Variants in ZNF592 observed in about 807,000 individuals in gnomAD.
ZNF592 encodes the protein spinocerebellar ataxia, autosomal recessive 5.
Under a neutral mutation model 80.3 loss-of-function variants are expected in ZNF592, and 11 were observed. The ratio of observed to expected loss-of-function variants is 0.14; its 90% CI spans 0.09 to 0.23. The LOEUF is 0.23. Ranked by LOEUF, ZNF592 falls within the 10% of genes least tolerant of loss-of-function variation. The pLI is 1.00. For synonymous variants in ZNF592, 646 were observed against 640.3 expected (o/e 1.01, Z -0.13); for missense variants, 1,420 against 1,633.9 (o/e 0.87, Z 2.26).
chr15:84,783,403 A>C lies in ZNF592; in HGVS notation c.728A>C (p.Glu243Ala), dbSNP rs201194824. 1.2e-6 allele frequency: 2 copies of C among 1,614,202 alleles called. No individual in the cohort carries two copies. Among genetic ancestry groups the C allele is most frequent in the Non-Finnish European group, 1.7e-6 (2 of 1,180,048 alleles). ...ACTCGATTCTTCGGGGAAGCTTTGG[A>C]GTTCAACAGCCATCCTAGCAACAGT... is the stretch of plus-strand genomic sequence containing the variant. ...DATRFFGEAL[E>A]FNSHPSNSIG... Residue 243 changes from glutamate to alanine, a missense_variant, in exon 4 of 11, where the codon GAG becomes GCG. Transcript: ENST00000560079. This position sits in a 1 kb window ranked among gnomAD's most constrained non-coding sequence, Gnocchi z 5.0.
rs1963230190 is a variant in ZNF592 at position 84,806,223 on chromosome 15, G to C, written c.*3830G>C. The C allele has an allele frequency of 6.6e-6, 1 of 152,158 alleles. No homozygotes were observed. Among genetic ancestry groups the C allele is most frequent in the African/African-American group, 2.4e-5 (1 of 41,432 alleles). The allele number at this position is 152,158 out of a possible 1,614,324, so 9.4% of individuals were successfully genotyped here. A position where few individuals can be genotyped will look rare whatever the true frequency, so the allele number is the denominator to read the frequency against. On this transcript the variant is annotated 3_prime_UTR_variant, in exon 11 of 11. Coordinates refer to ENST00000560079, the MANE Select transcript of ZNF592 (RefSeq NM_014630.3). Reference sequence around the variant, plus strand: ...CTAGAATGTGTCCTCCTGACTAAGGGGTTCAGGATACTGTTCACCTTCTCC... The same window carrying C: ...CTAGAATGTGTCCTCCTGACTAAGGCGTTCAGGATACTGTTCACCTTCTCC...
chr15:84,752,501 T>G (rs1192466810), intron 1 of ZNF592, among the ~76,000 whole-genome samples: 1 of 152,170 alleles, frequency 6.6e-6, no homozygotes, highest in East Asian at 1.9e-4. Flanking sequence ...CAAATAAGAT[T>G]GAGCAAAGAA....
chr15:84,798,441 C>G lies in ZNF592; in HGVS notation c.2703C>G (p.Phe901Leu), dbSNP rs773937292. The G allele has an allele frequency of 2.5e-6, 4 of 1,613,940 alleles. No homozygotes were observed. The African/African-American group carries it at 5.3e-5, about 22-fold the overall frequency. ...AGTGCCCTGAGTGCCCACTCTTGTT[C>G]GTGCAGAAGCCGGAGTTGATGCAAC... ...VFKCPECPLLFVQKPELMQHV... is the reference protein window; with the variant it reads ...VFKCPECPLLLVQKPELMQHV... Residue 901 changes from phenylalanine (F) to leucine (L), a missense_variant, in exon 7 of 11, where the codon TTC becomes TTG. Transcript: ENST00000560079. This position sits in a 1 kb window ranked among gnomAD's most constrained non-coding sequence, Gnocchi z 4.5.
At chr15:84,766,451 C>T (rs907709118) in intron 2 of ZNF592, among the ~76,000 whole-genome samples, 4 of 152,088 alleles carry the variant, frequency 2.6e-5, no homozygotes, top group African/African-American at 9.7e-5. Context: ...TGAAAGGCTG[C>T]TTTGGCTGGG....
Position 84,802,297 on chromosome 15 carries a change from G to A in ZNF592, c.3708G>A (p.Leu1236=), listed in dbSNP as rs780371512. ...CTGACCCAGAGGCGAGGAGATTGCT[G>A]GGCCCGGCCCCTGAGGACGATGGTG... ...LSADPEARRL[L]GPAPEDDGGH... Residue 1236 remains leucine (L), a synonymous_variant, in exon 11 of 11, where the codon CTG becomes CTA. Transcript: ENST00000560079. The A allele has an allele frequency of 6.2e-7, 1 of 1,613,236 alleles. No individual in the cohort carries two copies. The highest frequency in any genetic ancestry group is 8.5e-7 in the Non-Finnish European group (1 of 1,179,434).
chr15:84,767,150 A>G (rs1359984022), intron 2 of ZNF592, among the ~76,000 whole-genome samples: 2 of 151,862 alleles, frequency 1.3e-5, no homozygotes, highest in African/African-American at 4.8e-5. Flanking sequence ...GTACACCACC[A>G]CACCCGGTTA....
chr15:84,764,982 A>C (rs541411102), intron 2 of ZNF592, among the ~76,000 whole-genome samples, 167 bp downstream of exon 2: 1 of 152,172 alleles, frequency 6.6e-6, no homozygotes, highest in South Asian at 2.1e-4. Context: ...GGCATTAAAT[A>C]CATTCACAGT....
At chr15:84,761,823 A>G (rs1292903398) in intron 1 of ZNF592, among the ~76,000 whole-genome samples, 1 of 152,172 alleles carries the variant, frequency 6.6e-6, no homozygotes, top group Admixed American at 6.5e-5. Context: ...TTGTTCCATC[A>G]CCTTTCAAGT....
intron 2 of ZNF592, among the ~76,000 whole-genome samples, chr15:84,775,275 T>G (rs1962210818): frequency 1.3e-5 from 2 of 152,072 alleles, no homozygotes; most frequent in Admixed American, 1.3e-4. Flanking sequence ...TTTGTATTTT[T>G]GGTAGAGACA....
intron 2 of ZNF592, among the ~76,000 whole-genome samples, chr15:84,766,610 G>T (rs1439520628): frequency 6.6e-6 from 1 of 151,764 alleles, no homozygotes; most frequent in Non-Finnish European, 1.5e-5. Context: ...GTTGGGGGGC[G>T]GATAGAGAGA....
chr15:84,798,276 T>C lies in ZNF592; in HGVS notation c.2577-39T>C. ...AGAGATGGGTGGAGGGGCTGCATGG[T>C]GCCTTGGCCACCTCACCCCCTAGGG... On this transcript the variant is annotated intron_variant, in intron 6 of 10. Transcript: ENST00000560079. The surrounding 1 kb of genome is among the most constrained non-coding windows in gnomAD (Gnocchi z 4.5). The C allele has an allele frequency of 1.2e-6, 2 of 1,613,504 alleles. No individual in the cohort carries two copies. The highest frequency in any genetic ancestry group is 1.7e-6 in the Non-Finnish European group (2 of 1,179,878).
rs999877593 is a variant in ZNF592, at chr15:84,779,325, A to G, written c.-20+1013A>G. Among the ~76,000 whole-genome samples the G allele has an allele frequency of 2.6e-5, 4 of 152,138 alleles. No homozygotes were observed. In the East Asian group the frequency reaches 5.8e-4, roughly 22 times the overall value. ...TTTGATTAATTTCTATTTAAAAACA[A>G]TGTGATGCTTTAGAGCAAGGTTCAA... is the stretch of plus-strand genomic sequence containing the variant. On this transcript the variant is annotated intron_variant, in intron 3 of 10. Coordinates refer to ENST00000560079, the MANE Select transcript of ZNF592 (RefSeq NM_014630.3).
rs1043630960 is a variant in ZNF592, at chr15:84,802,656, T to A, written c.*263T>A. On this transcript the variant is annotated 3_prime_UTR_variant, in exon 11 of 11. Transcript: ENST00000560079. The stretch of plus-strand genomic sequence containing the variant: ...CTTGGTGCCCCATCTCTTGTCTGTG[T>A]CCTTCCAACCCCAAGCTGCTTATGT... 3.3e-5 allele frequency: 18 copies of A among 537,382 alleles called. No individual in the cohort carries two copies. Among genetic ancestry groups the A allele is most frequent in the East Asian group, 2.0e-4 (6 of 30,154 alleles). 33.3% of individuals were successfully genotyped at this position (537,382 alleles called of 1,614,324 possible).
intron 1 of ZNF592, among the ~76,000 whole-genome samples, chr15:84,763,304 A>G (rs1251546467): frequency 6.6e-6 from 1 of 152,212 alleles, no homozygotes; most frequent in African/African-American, 2.4e-5. Context: ...CTGGAAGTGA[A>G]GCCTGACACT....
intron 1 of ZNF592, among the ~76,000 whole-genome samples, chr15:84,763,802 G>A (rs889376055): frequency 6.6e-6 from 1 of 152,160 alleles, no homozygotes; most frequent in Admixed American, 6.6e-5. Flanking sequence ...GAAATTCAGG[G>A]AATGAGTCCT....
chr15:84,773,871 A>G (rs1181237812), intron 2 of ZNF592, among the ~76,000 whole-genome samples: 1 of 152,148 alleles, frequency 6.6e-6, no homozygotes, highest in East Asian at 1.9e-4. Context: ...AGGTATGGGG[A>G]ACCAAAACTG....
chr15:84,751,492 G>GA (rs780994045), intron 1 of ZNF592, among the ~76,000 whole-genome samples: 15 of 152,136 alleles, frequency 9.9e-5, no homozygotes, highest in Non-Finnish European at 2.1e-4. Context: ...TTTAAGTGCA[G>GA]ATAAAACTCC....
At chr15:84,775,777 G>C (rs890253427) in intron 2 of ZNF592, among the ~76,000 whole-genome samples, 2 of 152,090 alleles carry the variant, frequency 1.3e-5, no homozygotes, top group Non-Finnish European at 2.9e-5. Flanking sequence ...AGGGTGATTC[G>C]GCATGCTGAG....
intron 5 of ZNF592, among the ~76,000 whole-genome samples, chr15:84,793,612 C>G (rs1454250059): frequency 6.6e-6 from 1 of 152,174 alleles, no homozygotes; most frequent in Non-Finnish European, 1.5e-5. Flanking sequence ...CTACAGTGTT[C>G]ATAACAGAGT....
Sources: allele counts gnomAD v4.1 joint callset (sites outside exome capture counted in the v4.1 genomes callset), GRCh38; gene constraint gnomAD v4.1.1; non-coding constraint Gnocchi (gnomAD v3.1); transcripts MANE v1.5; gene names NCBI Gene and HGNC (gene_info 2026-07-23, HGNC 2026-07-21).